The following STAU2 variants were observed in gnomAD, a reference collection of about 807,000 sequenced individuals.
STAU2 encodes the protein staufen double-stranded RNA binding protein 2.
In STAU2, 20 loss-of-function variants were observed where a neutral mutation model predicts 65.9. That is an observed-to-expected ratio of 0.30 (90% CI 0.21 to 0.44). The LOEUF (loss-of-function observed/expected upper bound fraction) is 0.44. Ranked by LOEUF, STAU2 falls within the 20% of genes least tolerant of loss-of-function variation. The pLI is 1.00. For missense variants in STAU2, 558 were observed against 683.9 expected (o/e 0.82, Z 2.05); for synonymous variants, 232 against 233.9 (o/e 0.99, Z 0.07).
intron 4 of STAU2, among the ~76,000 whole-genome samples, chr8:73,690,328 CA>C (rs56744849): frequency 2.3e-3 from 133 of 58,236 alleles, no homozygotes; most frequent in South Asian, 3.4e-3. Context: ...GACTCTGTCT[CA>C]AAAAAAAAAA....
chr8:73,592,702 T>C (rs557623274), intron 11 of STAU2, among the ~76,000 whole-genome samples: 1 of 152,026 alleles, frequency 6.6e-6, no homozygotes, highest in East Asian at 1.9e-4. Context: ...TTACTAAAAA[T>C]ACAAAAAATC....
chr8:73,615,347 T>C (rs957579776), intron 8 of STAU2, among the ~76,000 whole-genome samples: 2 of 152,190 alleles, frequency 1.3e-5, no homozygotes. Flanking sequence ...AATCTTAACT[T>C]GAATAAATTT....
intron 12 of STAU2, among the ~76,000 whole-genome samples, chr8:73,567,780 C>T (rs932827728): frequency 2.0e-5 from 3 of 151,988 alleles, no homozygotes; most frequent in African/African-American, 7.3e-5. Context: ...AAACTCCTGA[C>T]CTCAAGTGAT....
intron 13 of STAU2, among the ~76,000 whole-genome samples, chr8:73,477,454 G>A (rs1039903776): frequency 1.3e-5 from 2 of 152,202 alleles, no homozygotes; most frequent in Non-Finnish European, 2.9e-5. Flanking sequence ...ATTGGGTCAT[G>A]ATGTTAAATT....
chr8:73,688,004 G>A lies in STAU2; in HGVS notation c.274+650C>T, dbSNP rs1390466196. On this transcript the variant is annotated intron_variant, in intron 5 of 14. Coordinates refer to ENST00000524300, the MANE Select transcript of STAU2 (RefSeq NM_001164380.2). ...GCTGGGATGACAGGCGTGAGCCACC[G>A]CGCCCGGCCTACTATCTTTACTTTA... 5.3e-5 allele frequency among the ~76,000 whole-genome samples: 8 copies of A among 151,038 alleles called. 1 individual carries two copies. Among genetic ancestry groups the A allele is most frequent in the African/African-American group, 7.3e-5 (3 of 41,134 alleles).
chr8:73,618,246 T>G (rs936399891), intron 6 of STAU2, among the ~76,000 whole-genome samples: 1 of 152,126 alleles, frequency 6.6e-6, no homozygotes, highest in African/African-American at 2.4e-5. Context: ...GTATGTTAGA[T>G]GTAGATGTAA....
At chr8:73,564,402 T>C (rs898051966) in intron 12 of STAU2, among the ~76,000 whole-genome samples, 1 of 152,172 alleles carries the variant, frequency 6.6e-6, no homozygotes, top group Non-Finnish European at 1.5e-5. Flanking sequence ...TATTAAATAC[T>C]GCATGTTCTC....
intron 10 of STAU2, among the ~76,000 whole-genome samples, chr8:73,597,509 A>T (rs966136097): frequency 6.6e-5 from 10 of 150,608 alleles, no homozygotes; most frequent in Admixed American, 1.3e-4. Flanking sequence ...AAAAATAAAA[A>T]AAAAAAAAAA....
intron 5 of STAU2, among the ~76,000 whole-genome samples, chr8:73,686,095 A>C (rs1818790877): frequency 6.6e-6 from 1 of 151,972 alleles, no homozygotes; most frequent in African/African-American, 2.4e-5. Context: ...ATGGGAGGTA[A>C]GCTACAAGGA....
At chr8:73,527,579 GAT>G in intron 13 of STAU2, 1 of 667,152 alleles carries the variant, frequency 1.5e-6, no homozygotes. Context: ...GGTGCTAGCA[GAT>G]AATGTATTAA....
At position 73,603,822 on chromosome 8, in the gene STAU2, G is replaced by A. The variant is rs915395304; in HGVS notation, c.933C>T (p.Arg311=). ...TTTTGGCCTGTTGAATTTGCGCCAG[G>A]CGGCTAATAGGGTTCATCCCTTGGC... is the stretch of plus-strand genomic sequence containing the variant. The part of the protein sequence containing the change: ...EYGQGMNPIS[R]LAQIQQAKKE... The change falls in exon 10 of 15, where the codon CGC becomes CGT. Residue 311 remains arginine (R), a synonymous_variant. Coordinates refer to ENST00000524300, the MANE Select transcript of STAU2 (RefSeq NM_001164380.2). The A allele has an allele frequency of 3.1e-6, 5 of 1,612,128 alleles. No individual in the cohort carries two copies. In the African/African-American group the frequency reaches 4.0e-5, roughly 13 times the overall value.
At chr8:73,654,637 C>CAAAAAAAAA (rs71269928) in intron 6 of STAU2, among the ~76,000 whole-genome samples, 369 of 26,282 alleles carry the variant, frequency 0.014, 30 homozygotes, top group African/African-American at 0.034. Flanking sequence ...AAGATTGTCT[C>CAAAAAAAAA]AAAAAAAAAA....
At chr8:73,675,899 T>C (rs1158022648) in intron 5 of STAU2, among the ~76,000 whole-genome samples, 1 of 152,192 alleles carries the variant, frequency 6.6e-6, no homozygotes, top group Non-Finnish European at 1.5e-5. Context: ...ACGGTGTCCG[T>C]GTCCTTAAGA....
chr8:73,618,292 G>A (rs1812983984), intron 6 of STAU2, among the ~76,000 whole-genome samples: 1 of 152,172 alleles, frequency 6.6e-6, no homozygotes, highest in African/African-American at 2.4e-5. Flanking sequence ...GAAGTGTCAG[G>A]GAGGTAGGTT....
intron 13 of STAU2, among the ~76,000 whole-genome samples, chr8:73,474,714 G>T (rs1820223039): frequency 6.6e-6 from 1 of 152,042 alleles, no homozygotes; most frequent in Non-Finnish European, 1.5e-5. Context: ...TATTTATACA[G>T]CTTATTTTTA....
At chr8:73,597,892 T>A (rs1050043993) in intron 10 of STAU2, among the ~76,000 whole-genome samples, 1 of 152,162 alleles carries the variant, frequency 6.6e-6, no homozygotes, top group Admixed American at 6.5e-5. Flanking sequence ...TTCTACTCAA[T>A]ATTTAAGGAA....
At chr8:73,624,331 G>A (rs748297006) in intron 6 of STAU2, among the ~76,000 whole-genome samples, 8 of 152,102 alleles carry the variant, frequency 5.3e-5, no homozygotes, top group South Asian at 2.1e-4. Context: ...AGCACAGCAC[G>A]TTATCAAAGA....
chr8:73,564,911 T>C (rs1808491949), intron 12 of STAU2, among the ~76,000 whole-genome samples: 1 of 151,560 alleles, frequency 6.6e-6, no homozygotes, highest in Non-Finnish European at 1.5e-5. Flanking sequence ...ATGGGTGTCG[T>C]GTGTGTGTGT....
chr8:73,579,932 A>G (rs1256713918), intron 12 of STAU2, among the ~76,000 whole-genome samples: 2 of 152,234 alleles, frequency 1.3e-5, no homozygotes, highest in Non-Finnish European at 2.9e-5. Flanking sequence ...GCAGTTTCCT[A>G]TGACTGTAAT....
Sources: gnomAD v4.1 joint callset for allele counts (sites outside exome capture counted in the v4.1 genomes callset) on GRCh38, gnomAD v4.1.1 for gene constraint, MANE v1.5 for transcripts, NCBI Gene and HGNC (gene_info 2026-07-23, HGNC 2026-07-21) for gene names.